REXO5: variants seen among roughly 807,000 people sequenced by gnomAD.
The protein encoded by REXO5 is exonuclease NEF-sp.
A neutral mutation model predicts 88.5 loss-of-function variants in REXO5; 48 were observed. That is an observed-to-expected ratio of 0.54 (90% CI 0.43 to 0.69). REXO5 has a LOEUF of 0.69. Ranked by LOEUF, REXO5 falls within the 30% of genes least tolerant of loss-of-function variation. The pLI is 0.00. For missense variants in REXO5, 749 were observed against 912.2 expected (o/e 0.82, Z 2.30); for synonymous variants, 311 against 336.5 (o/e 0.92, Z 0.83).
intron 5 of REXO5, among the ~76,000 whole-genome samples, chr16:20,821,550 T>C (rs2081186079): frequency 6.6e-6 from 1 of 152,200 alleles, no homozygotes; most frequent in Non-Finnish European, 1.5e-5. Flanking sequence ...TGCCTCAGCC[T>C]CCCAAAGTGC....
intron 13 of REXO5, among the ~76,000 whole-genome samples, chr16:20,836,550 T>A (rs1301749897): frequency 6.6e-6 from 1 of 152,250 alleles, no homozygotes; most frequent in Non-Finnish European, 1.5e-5. Context: ...CTTGGCTGCT[T>A]CCAAGTTTTG....
chr16:20,847,748 T>C (rs776268024), intron 19 of REXO5, among the ~76,000 whole-genome samples: 7 of 152,170 alleles, frequency 4.6e-5, no homozygotes, highest in Non-Finnish European at 1.0e-4. Context: ...CAGTAAAAGC[T>C]TTTTGGTTAA....
In REXO5 at chr16:20,839,861, T is replaced by C. The variant is rs761232511; in HGVS notation, c.1488+2T>C. 2 of 1,567,066 alleles carry C rather than the reference T, an allele frequency of 1.3e-6. No homozygotes were observed. Among genetic ancestry groups the C allele is most frequent in the Non-Finnish European group, 1.8e-6 (2 of 1,138,158 alleles). Reference sequence around the variant, plus strand: ...CTCACTGAGGAGATGAACAAAAGGGTAAGTGAATGGGTTCTGCTGAATGAT... The same window carrying C: ...CTCACTGAGGAGATGAACAAAAGGGCAAGTGAATGGGTTCTGCTGAATGAT... On this transcript the variant is annotated splice_donor_variant, in intron 14 of 19. Coordinates refer to ENST00000261377, the MANE Select transcript of REXO5 (RefSeq NM_030941.3). LOFTEE classifies it high-confidence loss of function.
chr16:20,813,790 G>A (rs1237212657), intron 3 of REXO5, among the ~76,000 whole-genome samples: 1 of 152,084 alleles, frequency 6.6e-6, no homozygotes, highest in Admixed American at 6.6e-5. Flanking sequence ...CCGGCATAGT[G>A]GCTCACAGTT....
At chr16:20,830,908 A>G (rs2081331836) in intron 11 of REXO5, among the ~76,000 whole-genome samples, 1 of 152,048 alleles carries the variant, frequency 6.6e-6, no homozygotes, top group Admixed American at 6.6e-5. Context: ...ACCATATTAG[A>G]AATTAAATAA....
intron 18 of REXO5, among the ~76,000 whole-genome samples, chr16:20,845,718 A>G (rs2081597290): frequency 1.3e-5 from 2 of 152,072 alleles, no homozygotes; most frequent in South Asian, 4.1e-4. Flanking sequence ...GGATGGCATT[A>G]GTTAGACAAG....
chr16:20,821,991 G>T, intron 6 of REXO5, 89 bp downstream of exon 6: 2 of 1,316,184 alleles, frequency 1.5e-6, no homozygotes, highest in Admixed American at 5.5e-5. Context: ...CATTTATCTG[G>T]CTGTTTTCTG....
intron 15 of REXO5, among the ~76,000 whole-genome samples, chr16:20,842,233 C>T (rs1158058274): frequency 6.7e-6 from 1 of 149,318 alleles, no homozygotes; most frequent in East Asian, 2.0e-4. Flanking sequence ...CATTGTTTTA[C>T]TTTCTGTCTT....
chr16:20,845,044 T>C lies in REXO5; in HGVS notation c.1937-10T>C. ...CCTTAATAACATAAGGTGGGGGTTC[T>C]TGCTTTCAGAATTCAAAAGTTTTGG... On this transcript the variant is annotated splice_polypyrimidine_tract_variant and intron_variant, in intron 17 of 19. Transcript: ENST00000261377. The C allele has an allele frequency of 6.2e-7, 1 of 1,611,410 alleles. No individual in the cohort carries two copies. Among genetic ancestry groups the C allele is most frequent in the Non-Finnish European group, 8.5e-7 (1 of 1,178,194 alleles).
At chr16:20,842,492 T>G (rs1287152853) in intron 15 of REXO5, among the ~76,000 whole-genome samples, 3 of 151,716 alleles carry the variant, frequency 2.0e-5, no homozygotes, top group Non-Finnish European at 4.4e-5. Flanking sequence ...GTTTTTTTTT[T>G]TTTTGAGATA....
intron 3 of REXO5, among the ~76,000 whole-genome samples, chr16:20,814,428 G>T (rs958254971): frequency 3.3e-5 from 5 of 152,044 alleles, no homozygotes; most frequent in African/African-American, 1.2e-4. Context: ...TTTTAGTAGA[G>T]ATGGGGTTTC....
rs148590831 is a variant in REXO5 at position 20,829,191 on chromosome 16, C to G, written c.1158+654C>G. ...TTTGGATCTATAATATGGGAATACA[C>G]ACTTTTCTGGGATATTGTTGAGAGT... On this transcript the variant is annotated intron_variant, in intron 11 of 19. Coordinates refer to ENST00000261377, the MANE Select transcript of REXO5 (RefSeq NM_030941.3). Among the ~76,000 whole-genome samples the G allele has an allele frequency of 1.3e-3, 205 of 152,236 alleles. 1 individual carries two copies. Among genetic ancestry groups the G allele is most frequent in the African/African-American group, 4.7e-3 (197 of 41,538 alleles).
rs2081580864 is a variant in REXO5, at chr16:20,844,723, C to G, written c.1814C>G (p.Ser605Cys). The G allele has an allele frequency of 6.2e-7, 1 of 1,614,070 alleles. No homozygotes were observed. The highest frequency in any genetic ancestry group is 1.7e-5 in the Admixed American group (1 of 60,000). Reference sequence around the variant, plus strand: ...GAAAACCAAGGCTCTATATATCTGTCTGGAGTGAGTGAAACCTTCAAAGAA... The same window carrying G: ...GAAAACCAAGGCTCTATATATCTGTGTGGAGTGAGTGAAACCTTCAAAGAA... The part of the protein sequence containing the change: ...DSENQGSIYL[S>C]GVSETFKEQL... Residue 605 changes from serine (S) to cysteine (C), a missense_variant, in exon 17 of 20, where the codon TCT (serine) becomes TGT (cysteine). Transcript: ENST00000261377.
At chr16:20,842,482 G>GTT (rs34872779) in intron 15 of REXO5, among the ~76,000 whole-genome samples, 1,655 of 140,278 alleles carry the variant, frequency 0.012, 17 homozygotes, top group African/African-American at 0.03. Flanking sequence ...TGTTTTGTTT[G>GTT]TTTTTTTTTT....
At chr16:20,844,962 C>A in intron 17 of REXO5, 92 bp from the exon 18 acceptor site, 1 of 1,549,372 alleles carries the variant, frequency 6.5e-7, no homozygotes, top group South Asian at 1.2e-5. Flanking sequence ...GTTCCTGATT[C>A]TGTCCTTCTC....
chr16:20,832,064 G>T, intron 11 of REXO5, 92 bp from the exon 12 acceptor site: 1 of 820,646 alleles, frequency 1.2e-6, no homozygotes, highest in South Asian at 1.7e-5. Context: ...TGGATTTTTT[G>T]CTTTTTGTTG....
intron 5 of REXO5, among the ~76,000 whole-genome samples, chr16:20,820,152 A>G (rs1451564017): frequency 2.0e-5 from 3 of 152,056 alleles, no homozygotes; most frequent in Admixed American, 1.3e-4. Flanking sequence ...GCTCCCCATT[A>G]CGTATTGAAT....
chr16:20,825,627 A>G, intron 7 of REXO5: 2 of 548,102 alleles, frequency 3.6e-6, no homozygotes, highest in Non-Finnish European at 6.5e-6. Context: ...TGTGCAGACT[A>G]CACTGTGTTG....
intron 5 of REXO5, chr16:20,821,040 G>A (rs2081176623): frequency 1.3e-5 from 2 of 152,152 alleles, no homozygotes; most frequent in South Asian, 4.1e-4. Context: ...ATGGTCCCTG[G>A]TTAAAGAACA....
Sources: allele counts gnomAD v4.1 joint callset (sites outside exome capture counted in the v4.1 genomes callset), GRCh38; gene constraint gnomAD v4.1.1; transcripts MANE v1.5; gene names NCBI Gene and HGNC (gene_info 2026-07-23, HGNC 2026-07-21).